BANK1: variants seen among roughly 807,000 people sequenced by gnomAD.
The protein encoded by BANK1 is B cell scaffold protein with ankyrin repeats 1.
In BANK1, 95 loss-of-function variants were observed where a neutral mutation model predicts 94.5. The ratio of observed to expected loss-of-function variants is 1.00; its 90% CI spans 0.85 to 1.19. BANK1 has a LOEUF of 1.19. Among genes scored for constraint, BANK1 ranks in the 50% most tolerant of loss-of-function variants. BANK1 has a pLI of 0.00. For synonymous variants in BANK1, 334 were observed against 308.4 expected, an observed-to-expected ratio of 1.08 and a Z score of -0.87; for missense variants, 987 against 932.2, an observed-to-expected ratio of 1.06 and a Z score of -0.77.
At chr4:101,803,727 G>A (rs1355221748) in intron 1 of BANK1, among the ~76,000 whole-genome samples, 1 of 152,016 alleles carries the variant, frequency 6.6e-6, no homozygotes, top group Non-Finnish European at 1.5e-5. Flanking sequence ...GCCGGGCGCG[G>A]TGGCTCACGC....
intron 11 of BANK1, among the ~76,000 whole-genome samples, chr4:102,047,866 C>A (rs557721613): frequency 6.6e-6 from 1 of 151,716 alleles, no homozygotes; most frequent in South Asian, 2.1e-4. Flanking sequence ...CTTAGAAGAG[C>A]CCTGTCATTA....
At chr4:101,862,384 C>T in intron 3 of BANK1, 142 bp from the exon 4 acceptor site, 2 of 557,984 alleles carry the variant, frequency 3.6e-6, no homozygotes, top group Non-Finnish European at 5.7e-6. Flanking sequence ...TATTTTATTT[C>T]TGGATACAGT....
At chr4:101,982,204 G>A (rs1338577477) in intron 7 of BANK1, among the ~76,000 whole-genome samples, 1 of 151,616 alleles carries the variant, frequency 6.6e-6, no homozygotes, top group African/African-American at 2.4e-5. Context: ...ATTTTATGGT[G>A]TCTTTTTTCT....
rs1728463279 is a variant in BANK1 at position 102,062,854 on chromosome 4, A to G, written c.2149-221A>G. 4 of 489,328 alleles carry G rather than the reference A, an allele frequency of 8.2e-6. No individual in the cohort carries two copies. The South Asian group carries it at 1.0e-4, about 13-fold the overall frequency. The allele number at this position is 489,328 out of a possible 1,614,324, so 30.3% of individuals were successfully genotyped here. ...TGTACCTCTCTGTACCTCAGTTTCCATATCTACAACATGGAATGACGACAT... is the reference window on the plus strand; with the variant it reads ...TGTACCTCTCTGTACCTCAGTTTCCGTATCTACAACATGGAATGACGACAT... On this transcript the variant is annotated intron_variant, in intron 12 of 16. Coordinates refer to ENST00000322953, the MANE Select transcript of BANK1 (RefSeq NM_017935.5).
chr4:101,845,158 T>C (rs1727197081), intron 2 of BANK1, among the ~76,000 whole-genome samples: 1 of 152,138 alleles, frequency 6.6e-6, no homozygotes, highest in Admixed American at 6.5e-5. Flanking sequence ...TTCCGTTCCA[T>C]GATGTGATTA....
At chr4:102,071,387 TG>T in intron 14 of BANK1, 83 bp downstream of exon 14, 2 of 1,340,418 alleles carry the variant, frequency 1.5e-6, no homozygotes, top group Admixed American at 1.8e-5. Context: ...GTAAACCTAA[TG>T]TGATTAAGCA....
At chr4:102,007,087 TATATA>T (rs1475759150) in intron 7 of BANK1, among the ~76,000 whole-genome samples, 1 of 101,926 alleles carries the variant, frequency 9.8e-6, no homozygotes, top group Non-Finnish European at 1.9e-5. Flanking sequence ...TATAAATATA[TATATA>T]ATATATTTAT....
chr4:101,839,937 A>ATTTATTTATTTT (rs1726969190), intron 2 of BANK1, among the ~76,000 whole-genome samples: 1 of 53,036 alleles, frequency 1.9e-5, no homozygotes, highest in African/African-American at 7.5e-5. Context: ...CAAATATTTA[A>ATTTATTTATTTT]TTTTTTTTTT....
At chr4:102,064,639 G>T (rs147736830) in intron 13 of BANK1, among the ~76,000 whole-genome samples, 3 of 152,078 alleles carry the variant, frequency 2.0e-5, no homozygotes, top group Admixed American at 6.6e-5. Context: ...CCTTTCAGCC[G>T]CACTGGAATA....
intron 6 of BANK1, among the ~76,000 whole-genome samples, chr4:101,905,334 C>T (rs1722413476): frequency 6.6e-6 from 1 of 151,934 alleles, no homozygotes; most frequent in South Asian, 2.1e-4. Context: ...TACTGTGGCA[C>T]TACCAGCTGT....
intron 9 of BANK1, among the ~76,000 whole-genome samples, chr4:102,028,346 G>T (rs10005830): frequency 6.6e-6 from 1 of 152,178 alleles, no homozygotes; most frequent in Non-Finnish European, 1.5e-5. Context: ...AAGGCAAGCC[G>T]TGGTGAATTG....
intron 10 of BANK1, among the ~76,000 whole-genome samples, chr4:102,035,419 C>A (rs918371379): frequency 6.6e-6 from 1 of 152,018 alleles, no homozygotes; most frequent in Non-Finnish European, 1.5e-5. Context: ...GAGGCCGAGG[C>A]GGGCGGATCA....
At chr4:101,923,198 T>C (rs1723054560) in intron 7 of BANK1, among the ~76,000 whole-genome samples, 1 of 151,832 alleles carries the variant, frequency 6.6e-6, no homozygotes, top group South Asian at 2.1e-4. Flanking sequence ...CTTATTGTTA[T>C]TCATATCAAA....
chr4:101,820,832 C>T lies in BANK1; in HGVS notation c.71-8976C>T, dbSNP rs577599409. Among the ~76,000 whole-genome samples, 85 of 152,272 alleles carry T rather than the reference C, an allele frequency of 5.6e-4. 2 individuals are homozygous for T. Among genetic ancestry groups the T allele is most frequent in the Admixed American group, 3.4e-3 (52 of 15,296 alleles). ...TCTTTTTTATGGGTGCATAGTATTC[C>T]ATGGTGTGTATGTACCACATTCTTT... On this transcript the variant is annotated intron_variant, in intron 1 of 16. Coordinates refer to ENST00000322953, the MANE Select transcript of BANK1 (RefSeq NM_017935.5).
chr4:102,045,433 C>T (rs1396381470), intron 11 of BANK1, among the ~76,000 whole-genome samples: 2 of 152,042 alleles, frequency 1.3e-5, no homozygotes, highest in Non-Finnish European at 2.9e-5. Flanking sequence ...GTTGGAAGTT[C>T]TGGCCAAGGC....
At chr4:101,988,084 C>T (rs1002383703) in intron 7 of BANK1, among the ~76,000 whole-genome samples, 1 of 152,092 alleles carries the variant, frequency 6.6e-6, no homozygotes, top group Non-Finnish European at 1.5e-5. Flanking sequence ...GAGTTAAGCC[C>T]CTGAGATGTT....
intron 1 of BANK1, among the ~76,000 whole-genome samples, chr4:101,794,670 T>A (rs1356425569): frequency 6.6e-6 from 1 of 152,126 alleles, no homozygotes; most frequent in Non-Finnish European, 1.5e-5. Context: ...TCAGATATCA[T>A]ATGGAATTAT....
intron 2 of BANK1, among the ~76,000 whole-genome samples, chr4:101,839,941 T>TA (rs1726972845): frequency 9.5e-5 from 1 of 10,564 alleles, no homozygotes; most frequent in African/African-American, 3.6e-4. Context: ...TATTTAATTT[T>TA]TTTTTTTTTT....
intron 1 of BANK1, among the ~76,000 whole-genome samples, chr4:101,801,887 G>A (rs926324674): frequency 6.6e-6 from 1 of 152,136 alleles, no homozygotes. Flanking sequence ...AACACTCATT[G>A]TGTCAAATAT....
Sources: allele counts gnomAD v4.1 joint callset (sites outside exome capture counted in the v4.1 genomes callset), GRCh38; gene constraint gnomAD v4.1.1; transcripts MANE v1.5; gene names NCBI Gene and HGNC (gene_info 2026-07-23, HGNC 2026-07-21).